KALRN: variants seen among roughly 807,000 people sequenced by gnomAD.
KALRN encodes the protein kalirin.
KALRN carries 70 observed loss-of-function variants against 353.7 expected under a neutral mutation model. That is an observed-to-expected ratio of 0.20 (90% CI 0.16 to 0.24). The LOEUF (loss-of-function observed/expected upper bound fraction) is 0.24, where lower values mean the gene tolerates loss of function less well. Among genes scored for constraint, KALRN ranks in the 10% least tolerant of loss-of-function variants. The pLI, the probability that KALRN is intolerant of heterozygous loss-of-function variation, is 1.00. For missense variants in KALRN, 2,791 were observed against 3,756.7 expected, an observed-to-expected ratio of 0.74 and a Z score of 6.72; for synonymous variants, 1,391 against 1,434.8, an observed-to-expected ratio of 0.97 and a Z score of 0.69.
chr3:124,671,569 G>A (rs531430957), intron 47 of KALRN, 91 bp from the exon 48 acceptor site: 10 of 812,314 alleles, frequency 1.2e-5, no homozygotes, highest in East Asian at 9.8e-5. Context: ...TTATCCACAC[G>A]ATGCCTAACA....
intron 5 of KALRN, among the ~76,000 whole-genome samples, chr3:124,276,130 C>T (rs1027976449): frequency 2.0e-5 from 3 of 152,140 alleles, no homozygotes; most frequent in Non-Finnish European, 4.4e-5. Flanking sequence ...GAAATACTTC[C>T]TATGGCAATG....
At chr3:124,650,736 C>G in intron 37 of KALRN, 72 bp from the exon 38 acceptor site, 6 of 1,466,822 alleles carry the variant, frequency 4.1e-6, no homozygotes, top group Non-Finnish European at 5.7e-6. Context: ...TGTGGCTAGG[C>G]TGGGAGGACA....
rs567887264 is a variant in KALRN, at chr3:124,091,181, G to A, written c.73+57368G>A. On this transcript the variant is annotated intron_variant, in intron 1 of 59. Coordinates refer to ENST00000682506, the MANE Select transcript of KALRN (RefSeq NM_001388419.1). The stretch of plus-strand genomic sequence containing the variant: ...CTGTCTGCTGGAGTGTTTGATTCAT[G>A]TTACAACTGAAGCACAGCTTGCAGG... Among the ~76,000 whole-genome samples the A allele has an allele frequency of 3.3e-5, 5 of 152,354 alleles. No homozygotes were observed. In the South Asian group the frequency reaches 1.0e-3, roughly 32 times the overall value.
At chr3:124,623,615 T>C (rs1049019533) in intron 34 of KALRN, among the ~76,000 whole-genome samples, 2 of 152,086 alleles carry the variant, frequency 1.3e-5, no homozygotes, top group African/African-American at 4.8e-5. Context: ...TCTTTTCACG[T>C]TTTATCTGCC....
intron 6 of KALRN, among the ~76,000 whole-genome samples, chr3:124,322,106 G>C (rs1344428483): frequency 6.6e-6 from 1 of 152,176 alleles, no homozygotes; most frequent in Non-Finnish European, 1.5e-5. Context: ...TCTGGCCCTT[G>C]GTCACCTAGA....
intron 34 of KALRN, among the ~76,000 whole-genome samples, chr3:124,623,427 C>CACACACACACACACACACACACA (rs139583497): frequency 3.4e-5 from 5 of 147,016 alleles, no homozygotes; most frequent in Admixed American, 6.8e-5. Flanking sequence ...CACACACACA[C>CACACACACACACACACACACACA]AAAAGGGAGT....
intron 10 of KALRN, among the ~76,000 whole-genome samples, chr3:124,367,239 GA>G (rs1485075731): frequency 3.1e-5 from 1 of 32,774 alleles, no homozygotes; most frequent in African/African-American, 1.5e-4. Context: ...GCGGGGGGCT[GA>G]CCCCCCCACT....
intron 1 of KALRN, among the ~76,000 whole-genome samples, chr3:124,222,850 C>T (rs1032878205): frequency 6.6e-6 from 1 of 152,100 alleles, no homozygotes; most frequent in Non-Finnish European, 1.5e-5. Context: ...AGTTGTCTGC[C>T]TGCCTTAGCC....
chr3:124,638,633 T>C (rs2081642704), intron 37 of KALRN, among the ~76,000 whole-genome samples: 1 of 152,136 alleles, frequency 6.6e-6, no homozygotes, highest in Non-Finnish European at 1.5e-5. Flanking sequence ...CCTGAATTCA[T>C]TCCTGGAGTA....
At position 124,471,079 on chromosome 3, in the gene KALRN, A is replaced by G. The variant is rs192754626; in HGVS notation, c.4032-3584A>G. Reference sequence around the variant, plus strand: ...GAGTTCCCCCTAAATATAAGTCTCCAGGAGTGGGGAAGAGGGTCAGATACA... The same window carrying G: ...GAGTTCCCCCTAAATATAAGTCTCCGGGAGTGGGGAAGAGGGTCAGATACA... On this transcript the variant is annotated intron_variant, in intron 25 of 59. Coordinates refer to ENST00000682506, the MANE Select transcript of KALRN (RefSeq NM_001388419.1). Among the ~76,000 whole-genome samples the G allele has an allele frequency of 2.0e-3, 306 of 152,196 alleles. 1 individual carries two copies. Among genetic ancestry groups the G allele is most frequent in the Non-Finnish European group, 3.5e-3 (240 of 68,012 alleles).
intron 36 of KALRN, among the ~76,000 whole-genome samples, chr3:124,636,400 T>C (rs1027801934): frequency 2.6e-5 from 4 of 152,154 alleles, no homozygotes; most frequent in African/African-American, 9.7e-5. Flanking sequence ...CCCCAAACCA[T>C]TGACCACACA....
At position 124,268,988 on chromosome 3, in the gene KALRN, G is replaced by T; in HGVS notation, c.702G>T (p.Gln234His). The T allele has an allele frequency of 6.2e-7, 1 of 1,614,084 alleles. No individual in the cohort carries two copies. The highest frequency in any genetic ancestry group is 8.5e-7 in the Non-Finnish European group (1 of 1,180,004). The change falls in exon 5 of 60, where the codon CAG (glutamine) becomes CAT (histidine). Residue 234 changes from glutamine (Q) to histidine (H), a missense_variant. Transcript: ENST00000682506. ...GSRRLIDEHTQLKKKVLKAPV... is the reference protein window; with the variant it reads ...GSRRLIDEHTHLKKKVLKAPV... ...GGCGGCTCATTGACGAACACACACA[G>T]CTCAAGAAAAAGGTGCTGAAGGCCC...
intron 1 of KALRN, among the ~76,000 whole-genome samples, chr3:124,201,421 CTGG>C (rs1295169838): frequency 6.6e-6 from 1 of 152,188 alleles, no homozygotes; most frequent in Non-Finnish European, 1.5e-5. Context: ...GGCTTAGCTC[CTGG>C]TCACTCCAGT....
At chr3:124,271,916 C>T (rs12695435) in intron 5 of KALRN, among the ~76,000 whole-genome samples, 29,489 of 152,092 alleles carry the variant, frequency 0.19, 2,941 homozygotes, top group South Asian at 0.3. Flanking sequence ...TACTTAAACA[C>T]GGTTATTTGC....
chr3:124,660,448 G>A (rs1244079611), intron 43 of KALRN, among the ~76,000 whole-genome samples: 1 of 152,118 alleles, frequency 6.6e-6, no homozygotes, highest in Non-Finnish European at 1.5e-5. Context: ...TTGGGAGACT[G>A]AGGCAGGTGG....
chr3:124,517,269 T>G (rs1014895671), intron 33 of KALRN, among the ~76,000 whole-genome samples: 1 of 152,212 alleles, frequency 6.6e-6, no homozygotes, highest in African/African-American at 2.4e-5. Context: ...GTATACCTTA[T>G]ATTCCTGGAA....
intron 58 of KALRN, among the ~76,000 whole-genome samples, chr3:124,715,651 G>C (rs1217564542): frequency 6.6e-6 from 1 of 152,240 alleles, no homozygotes; most frequent in Non-Finnish European, 1.5e-5. Flanking sequence ...GAAGACACCA[G>C]TGGGAAGGAG....
chr3:124,440,003 A>G (rs565016869), intron 18 of KALRN, among the ~76,000 whole-genome samples: 1 of 152,098 alleles, frequency 6.6e-6, no homozygotes, highest in South Asian at 2.1e-4. Flanking sequence ...CCTTTCTTTT[A>G]TTAGGGATTT....
intron 34 of KALRN, among the ~76,000 whole-genome samples, chr3:124,627,403 G>A (rs777782597): frequency 3.3e-5 from 5 of 152,192 alleles, no homozygotes; most frequent in Non-Finnish European, 7.4e-5. Context: ...TTCACAGAAA[G>A]CAAAGAAGCA....
Sources: gnomAD v4.1 joint callset for allele counts (sites outside exome capture counted in the v4.1 genomes callset) on GRCh38, gnomAD v4.1.1 for gene constraint, MANE v1.5 for transcripts, NCBI Gene and HGNC (gene_info 2026-07-23, HGNC 2026-07-21) for gene names.